CPT1A: variants seen among roughly 807,000 people sequenced by gnomAD.
CPT1A encodes the protein carnitine palmitoyltransferase 1A, also known as carnitine O-palmitoyltransferase 1, liver isoform.
In CPT1A, 64 loss-of-function variants were observed where a neutral mutation model predicts 100.8. The ratio of observed to expected loss-of-function variants is 0.63; its 90% CI spans 0.52 to 0.78. The LOEUF is 0.78. CPT1A is among the 30% of genes least tolerant of loss of function. CPT1A has a pLI of 0.00. For missense variants in CPT1A, 802 were observed against 1,034.1 expected, an observed-to-expected ratio of 0.78 and a Z score of 3.08; for synonymous variants, 363 against 396.0, an observed-to-expected ratio of 0.92 and a Z score of 0.99.
intron 3 of CPT1A, among the ~76,000 whole-genome samples, chr11:68,808,494 C>A (rs7948837): frequency 0.016 from 2,393 of 151,698 alleles, 66 homozygotes; most frequent in African/African-American, 0.055. Flanking sequence ...ATCTCAGCCT[C>A]CTGAGTAGCT....
intron 9 of CPT1A, among the ~76,000 whole-genome samples, chr11:68,789,498 G>A (rs545129110): frequency 6.6e-6 from 1 of 152,058 alleles, no homozygotes; most frequent in Non-Finnish European, 1.5e-5. Flanking sequence ...CCAGGTTCAA[G>A]TGATTCTCCT....
At chr11:68,765,713 G>A (rs1313554924) in intron 14 of CPT1A, among the ~76,000 whole-genome samples, 1 of 152,108 alleles carries the variant, frequency 6.6e-6, no homozygotes, top group Non-Finnish European at 1.5e-5. Flanking sequence ...TCCCGGCACA[G>A]GCAATACTGT....
intron 1 of CPT1A, among the ~76,000 whole-genome samples, chr11:68,834,121 T>C (rs757256955): frequency 1.3e-5 from 2 of 152,184 alleles, no homozygotes; most frequent in Admixed American, 1.3e-4. Flanking sequence ...ATGGGGTCAA[T>C]ATAATGGGTC....
At position 68,841,717 on chromosome 11, in the gene CPT1A, C is replaced by G; in HGVS notation, c.-14+58G>C. 5 of 897,772 alleles carry G rather than the reference C, an allele frequency of 5.6e-6. No homozygotes were observed. Among genetic ancestry groups the G allele is most frequent in the Non-Finnish European group, 5.3e-6 (4 of 749,614 alleles). 55.6% of individuals were successfully genotyped at this position (897,772 alleles called of 1,614,324 possible). ...GCCCCGCGCCCCGCCCGTCCCCGGC[C>G]CCCGCAGCCCGCAGGGCCGCCCCGC... On this transcript the variant is annotated intron_variant, in intron 1 of 18. Transcript: ENST00000265641. This position sits in a 1 kb window ranked among gnomAD's most constrained non-coding sequence, Gnocchi z 6.3.
chr11:68,786,160 G>C, intron 9 of CPT1A: 1 of 675,436 alleles, frequency 1.5e-6, no homozygotes, highest in South Asian at 1.6e-5. Flanking sequence ...CCAGGAGTTT[G>C]GGATCAGCCT....
At chr11:68,831,378 A>G (rs1313545949) in intron 1 of CPT1A, among the ~76,000 whole-genome samples, 1 of 152,188 alleles carries the variant, frequency 6.6e-6, no homozygotes, top group Admixed American at 6.6e-5. Context: ...AAACACGCCC[A>G]AGGAAAATGG....
At chr11:68,834,980 T>A (rs553036017) in intron 1 of CPT1A, among the ~76,000 whole-genome samples, 16 of 137,508 alleles carry the variant, frequency 1.2e-4, no homozygotes, top group Admixed American at 1.1e-3. Flanking sequence ...GCCCGGGCGA[T>A]AGGGCGAGAC....
At chr11:68,823,582 A>G (rs1856642620) in intron 1 of CPT1A, among the ~76,000 whole-genome samples, 1 of 151,972 alleles carries the variant, frequency 6.6e-6, no homozygotes, top group Non-Finnish European at 1.5e-5. Context: ...TGAGGTCAGG[A>G]GTTCGAGAAC....
At chr11:68,770,013 T>C (rs559897131) in intron 14 of CPT1A, among the ~76,000 whole-genome samples, 1 of 151,210 alleles carries the variant, frequency 6.6e-6, no homozygotes, top group East Asian at 1.9e-4. Flanking sequence ...TGAGCCGAGA[T>C]CGTGCCACTG....
At chr11:68,775,650 T>C (rs1252799698) in intron 12 of CPT1A, among the ~76,000 whole-genome samples, 3 of 152,120 alleles carry the variant, frequency 2.0e-5, no homozygotes, top group Non-Finnish European at 4.4e-5. Context: ...TTGCTCAAGT[T>C]TGTGACGCTC....
chr11:68,841,750 C>T lies in CPT1A; in HGVS notation c.-14+25G>A. ...CCCGCAGGGCCGCCCCGCCACCCTC[C>T]CCACCGCGGGCGACCGGGCCTCACC... On this transcript the variant is annotated intron_variant, in intron 1 of 18. Coordinates refer to ENST00000265641, the MANE Select transcript of CPT1A (RefSeq NM_001876.4). This position sits in a 1 kb window ranked among gnomAD's most constrained non-coding sequence, Gnocchi z 6.3. 2.1e-6 allele frequency: 2 copies of T among 975,460 alleles called. No individual in the cohort carries two copies. Among genetic ancestry groups the T allele is most frequent in the Non-Finnish European group, 2.4e-6 (2 of 820,746 alleles). The allele number at this position is 975,460 out of a possible 1,614,324, so 60.4% of individuals were successfully genotyped here.
intron 16 of CPT1A, among the ~76,000 whole-genome samples, 156 bp downstream of exon 16, chr11:68,761,379 G>A (rs528808306): frequency 9.2e-5 from 14 of 151,412 alleles, no homozygotes; most frequent in Admixed American, 7.2e-4. Flanking sequence ...TACTAAACGC[G>A]CTGCTCACAT....
chr11:68,800,307 A>C (rs1271250853), intron 5 of CPT1A, among the ~76,000 whole-genome samples: 1 of 152,160 alleles, frequency 6.6e-6, no homozygotes, highest in Non-Finnish European at 1.5e-5. Flanking sequence ...TTAAAAAGAC[A>C]CTCAAAAGCT....
chr11:68,788,915 C>A (rs1414173083), intron 9 of CPT1A, among the ~76,000 whole-genome samples: 1 of 152,046 alleles, frequency 6.6e-6, no homozygotes, highest in African/African-American at 2.4e-5. Context: ...AAATGTCAAC[C>A]AGGGCAGCCG....
rs527381649 is a variant in CPT1A, at chr11:68,761,034, A to C, written c.2028+501T>G. ...AGACTCCATCTCCAAAAAATAAAAA[A>C]TAAATAAATAAATAAATAAAACTTA... On this transcript the variant is annotated intron_variant, in intron 16 of 18. Transcript: ENST00000265641. Among the ~76,000 whole-genome samples the C allele has an allele frequency of 2.1e-3, 326 of 151,756 alleles. 1 individual carries two copies. Among genetic ancestry groups the C allele is most frequent in the Non-Finnish European group, 3.8e-3 (260 of 67,986 alleles).
At position 68,807,611 on chromosome 11, in the gene CPT1A, G is replaced by T. The variant is rs200536266; in HGVS notation, c.309C>A (p.Asn103Lys). 6 of 1,613,990 alleles carry T rather than the reference G, an allele frequency of 3.7e-6. No homozygotes were observed. The East Asian group carries it at 1.3e-4, about 36-fold the overall frequency. The change falls in exon 4 of 19, where the codon AAC (asparagine) becomes AAA (lysine). Residue 103 changes from asparagine to lysine, a missense_variant. By Grantham distance (94) the Asn-to-Lys change is moderately conservative. Around this residue, in one of 4 missense-constraint regions of CPT1A, gnomAD observed 161 missense variants for 183.7 expected, o/e 0.88. Coordinates refer to ENST00000265641, the MANE Select transcript of CPT1A (RefSeq NM_001876.4). ...TGCCAAACAGCACGCCGCTGACCAC[G>T]TTCTTCGTCTGGCTGGACATGCAGT... is the stretch of plus-strand genomic sequence containing the variant. ...TANCMSSQTK[N>K]VVSGVLFGTG...
chr11:68,757,149 C>T lies in CPT1A; in HGVS notation c.*495G>A, dbSNP rs568819871. 2.5e-5 allele frequency: 7 copies of T among 276,472 alleles called. No individual in the cohort carries two copies. The highest frequency in any genetic ancestry group is 1.1e-4 in the Admixed American group (2 of 18,582). The allele number at this position is 276,472 out of a possible 1,614,324, so 17.1% of individuals were successfully genotyped here. A position where few individuals can be genotyped will look rare whatever the true frequency, so the allele number is the denominator to read the frequency against. ...GTGACAAAAGCAGGTCTCCAAAGCACAGCATTTTGGTTAGTGCATTCCAGA... is the reference window on the plus strand; with the variant it reads ...GTGACAAAAGCAGGTCTCCAAAGCATAGCATTTTGGTTAGTGCATTCCAGA... On this transcript the variant is annotated 3_prime_UTR_variant, in exon 19 of 19. Transcript: ENST00000265641.
chr11:68,821,134 C>A (rs988316521), intron 1 of CPT1A, among the ~76,000 whole-genome samples: 1 of 152,124 alleles, frequency 6.6e-6, no homozygotes, highest in Non-Finnish European at 1.5e-5. Flanking sequence ...CCATGTCTGG[C>A]TAATTTTTGT....
At chr11:68,809,561 G>A (rs985199753) in intron 3 of CPT1A, among the ~76,000 whole-genome samples, 2 of 151,924 alleles carry the variant, frequency 1.3e-5, no homozygotes, top group African/African-American at 4.8e-5. Flanking sequence ...TTGAACTCCT[G>A]GGCTCAAGCA....
Sources: allele counts gnomAD v4.1 joint callset (sites outside exome capture counted in the v4.1 genomes callset), GRCh38; gene constraint gnomAD v4.1.1; regional missense constraint gnomAD v4.1.1; non-coding constraint Gnocchi (gnomAD v3.1); transcripts MANE v1.5; gene names NCBI Gene and HGNC (gene_info 2026-07-23, HGNC 2026-07-21).